The following SQSTM1 variants were observed in gnomAD, a reference collection of about 807,000 sequenced individuals.
SQSTM1 encodes sequestosome-1.
Under a neutral mutation model 45.1 loss-of-function variants are expected in SQSTM1, and 36 were observed. The observed-to-expected ratio is 0.80, with a 90% CI of 0.61 to 1.05. The LOEUF is 1.05. Ranked by LOEUF, SQSTM1 falls within the 50% of genes least tolerant of loss-of-function variation. SQSTM1 has a pLI of 0.00. For synonymous variants in SQSTM1, 290 were observed against 244.3 expected, an observed-to-expected ratio of 1.19 and a Z score of -1.74; for missense variants, 617 against 607.1, an observed-to-expected ratio of 1.02 and a Z score of -0.17.
intron 7 of SQSTM1, 128 bp from the exon 8 acceptor site, chr5:179,836,305 GGAC>G: frequency 1.6e-6 from 2 of 1,227,690 alleles, no homozygotes; most frequent in Non-Finnish European, 1.2e-6. Context: ...TGGCCTGTGA[GGAC>G]GAGAGCTCTG....
intron 7 of SQSTM1, among the ~76,000 whole-genome samples, chr5:179,834,030 G>A (rs1758375427): frequency 6.6e-6 from 1 of 152,110 alleles, no homozygotes. Flanking sequence ...AATATTAATT[G>A]TAGGAGTTTC....
Position 179,806,510 on chromosome 5 carries a change from T to C in SQSTM1, c.-238T>C. On this transcript the variant is annotated 5_prime_UTR_variant, in exon 1 of 6. Transcript: ENST00000514093. This position sits in a 1 kb window ranked among gnomAD's most constrained non-coding sequence, Gnocchi z 4.6. ...ACCTTTCTGGCCGCTGAGTGCCGCG[T>C]ACCAGGACAGCGAGAGGAAGGCGCA... 3 of 1,328,408 alleles carry C rather than the reference T, an allele frequency of 2.3e-6. No homozygotes were observed. Among genetic ancestry groups the C allele is most frequent in the Non-Finnish European group, 3.0e-6 (3 of 1,014,100 alleles). The allele number at this position is 1,328,408 out of a possible 1,614,324, so 82.3% of individuals were successfully genotyped here.
upstream of SQSTM1, chr5:179,820,762 G>A (rs573174184): frequency 1.9e-4 from 103 of 537,162 alleles, 1 homozygote; most frequent in African/African-American, 1.9e-3. Flanking sequence ...GAAGGGGAGA[G>A]TAGTGAAGGG....
chr5:179,810,349 A>G (rs1323956972), intron 1 of SQSTM1, among the ~76,000 whole-genome samples: 3 of 151,944 alleles, frequency 2.0e-5, no homozygotes, highest in Non-Finnish European at 2.9e-5. Context: ...ATTCCCACCT[A>G]TGAGTGAGAA....
chr5:179,824,454 TCA>T, intron 4 of SQSTM1, 131 bp downstream of exon 4: 3 of 1,355,940 alleles, frequency 2.2e-6, no homozygotes, highest in Non-Finnish European at 3.1e-6. Context: ...TGCCCTACAA[TCA>T]CACAAGAACC....
At chr5:179,815,521 G>A (rs140893768), upstream of SQSTM1, among the ~76,000 whole-genome samples, 122 of 152,266 alleles carry the variant, frequency 8.0e-4, no homozygotes, top group African/African-American at 2.1e-3. Flanking sequence ...GGCTTAAGCC[G>A]TTTTATAACC....
chr5:179,817,971 T>A (rs1357987715), upstream of SQSTM1, among the ~76,000 whole-genome samples: 1 of 126,560 alleles, frequency 7.9e-6, no homozygotes. Context: ...GCTGAGATCG[T>A]GCCACTGCAC....
At chr5:179,807,417 G>C (rs992221292) in intron 1 of SQSTM1, 3 of 152,420 alleles carry the variant, frequency 2.0e-5, no homozygotes, top group African/African-American at 7.2e-5. Flanking sequence ...CCCGGGAGGC[G>C]GGAACGATGG....
chr5:179,833,776 C>G lies in SQSTM1; in HGVS notation c.1159C>G (p.Pro387Ala), dbSNP rs768745808. Residue 387 changes from proline to alanine, a missense_variant, in exon 7 of 8, where the codon CCG becomes GCG. Transcript: ENST00000389805. ...LKEAALYPHL[P>A]PEADPRLIES... ...GGAAGCTGCCTTGTACCCACATCTC[C>G]CGCCAGGCAAGTGAACCAAGAGGTT... The G allele has an allele frequency of 3.1e-6, 5 of 1,613,946 alleles. No individual in the cohort carries two copies. Among genetic ancestry groups the G allele is most frequent in the South Asian group, 2.2e-5 (2 of 91,092 alleles).
rs118160361 is a variant in SQSTM1 at position 179,824,038 on chromosome 5, G to A, written c.482G>A (p.Arg161Gln). The change falls in exon 3 of 8, where the codon CGG becomes CAG. Residue 161 changes from arginine to glutamine, a missense_variant. Transcript: ENST00000389805. ...GTCTGCGAGGGAAAGGGCTTGCACC[G>A]GGGGCACACCAAGCTCGCATTCCCC... The part of the protein sequence containing the change: ...CSVCEGKGLH[R>Q]GHTKLAFPSP... 1.9e-5 allele frequency: 31 copies of A among 1,613,904 alleles called. No individual in the cohort carries two copies. In the East Asian group the frequency reaches 3.1e-4, roughly 16 times the overall value.
intron 6 of SQSTM1, 45 bp downstream of exon 6, chr5:179,833,291 G>A: frequency 6.6e-7 from 1 of 1,519,804 alleles, no homozygotes; most frequent in Non-Finnish European, 8.8e-7. Flanking sequence ...GGCCAGCCTA[G>A]TGATCTGTGG....
Position 179,837,548 on chromosome 5 carries a change from A to G in SQSTM1, c.*955A>G. 1 of 1,614,162 alleles carries G rather than the reference A, an allele frequency of 6.2e-7. No individual in the cohort carries two copies. The highest frequency in any genetic ancestry group is 8.5e-7 in the Non-Finnish European group (1 of 1,180,014). Reference sequence around the variant, plus strand: ...GCAAGGCCTCTCAGACCCAGATGTGACGGGGTGTGTGGCCCGAGGAAGCTG... The same window carrying G: ...GCAAGGCCTCTCAGACCCAGATGTGGCGGGGTGTGTGGCCCGAGGAAGCTG... On this transcript the variant is annotated 3_prime_UTR_variant, in exon 8 of 8. Coordinates refer to ENST00000389805, the MANE Select transcript of SQSTM1 (RefSeq NM_003900.5).
Position 179,833,195 on chromosome 5 carries a change from T to C in SQSTM1, c.918T>C (p.Ser306=). 1 of 1,613,078 alleles carries C rather than the reference T, an allele frequency of 6.2e-7. No homozygotes were observed. The highest frequency in any genetic ancestry group is 8.5e-7 in the Non-Finnish European group (1 of 1,179,622). The change falls in exon 6 of 8, where the codon TCT becomes TCC. Residue 306 remains serine, a synonymous_variant. Coordinates refer to ENST00000389805, the MANE Select transcript of SQSTM1 (RefSeq NM_003900.5). ...PGGNVEGATQ[S]LAEQMRKIAL... is the part of the protein sequence containing the mutation. ...GGAATGTTGAGGGCGCCACGCAGTC[T>C]CTGGCGGAGCAGATGAGGAAGATCG...
At chr5:179,817,043 G>GC (rs1169501906), upstream of SQSTM1, among the ~76,000 whole-genome samples, 2 of 152,076 alleles carry the variant, frequency 1.3e-5, no homozygotes, top group Admixed American at 6.5e-5. Context: ...CACTTCTGAC[G>GC]CGGGTGCGAG....
At chr5:179,811,099 G>A (rs1191756869) in intron 1 of SQSTM1, among the ~76,000 whole-genome samples, 1 of 152,066 alleles carries the variant, frequency 6.6e-6, no homozygotes, top group Non-Finnish European at 1.5e-5. Context: ...CGGGAGTGGT[G>A]GCGGGCACCT....
At chr5:179,833,534 G>C in intron 6 of SQSTM1, 53 bp from the exon 7 acceptor site, 3 of 1,595,048 alleles carry the variant, frequency 1.9e-6, no homozygotes, top group Non-Finnish European at 1.7e-6. Flanking sequence ...GCCATGGTCA[G>C]GCTTGGCCTG....
chr5:179,818,328 G>GT (rs1757645834), upstream of SQSTM1, among the ~76,000 whole-genome samples: 2 of 152,188 alleles, frequency 1.3e-5, no homozygotes, highest in African/African-American at 4.8e-5. Flanking sequence ...CATCCCCTGT[G>GT]TCCCCTGTGA....
chr5:179,821,329 G>C (rs1201324910), intron 1 of SQSTM1, among the ~76,000 whole-genome samples, 188 bp downstream of exon 1: 1 of 152,232 alleles, frequency 6.6e-6, no homozygotes, highest in East Asian at 1.9e-4. Flanking sequence ...CTGGTGACTG[G>C]AGTGGTGACC....
At chr5:179,834,825 C>A (rs1419004209) in intron 7 of SQSTM1, among the ~76,000 whole-genome samples, 9 of 152,356 alleles carry the variant, frequency 5.9e-5, no homozygotes, top group African/African-American at 2.2e-4. Context: ...ACACGGCAAC[C>A]ATCCGATTTC....
Sources: gnomAD v4.1 joint callset for allele counts (sites outside exome capture counted in the v4.1 genomes callset) on GRCh38, gnomAD v4.1.1 for gene constraint, Gnocchi (gnomAD v3.1) non-coding constraint, MANE v1.5 for transcripts, NCBI Gene and HGNC (gene_info 2026-07-23, HGNC 2026-07-21) for gene names.